CD247: variants seen among roughly 807,000 people sequenced by gnomAD.
The protein encoded by CD247 is T-cell surface glycoprotein CD3 zeta chain.
Under a neutral mutation model 30.0 loss-of-function variants are expected in CD247, and 13 were observed. The observed-to-expected ratio is 0.43, with a 90% CI of 0.28 to 0.69. The LOEUF (loss-of-function observed/expected upper bound fraction) is 0.69, where lower values mean the gene tolerates loss of function less well. Among genes scored for constraint, CD247 ranks in the 30% least tolerant of loss-of-function variants. The probability of loss-of-function intolerance (pLI) is 0.16; values close to 1 mark genes in which losing one functional copy is unlikely to be tolerated. For synonymous variants in CD247, 72 were observed against 80.0 expected (o/e 0.90, Z 0.53); for missense variants, 193 against 212.6 (o/e 0.91, Z 0.57).
At position 167,438,766 on chromosome 1, in the gene CD247, G is replaced by C. The variant is rs1183294034; in HGVS notation, c.220-116C>G. 5.0e-6 allele frequency: 4 copies of C among 796,748 alleles called. No individual in the cohort carries two copies. In the African/African-American group the frequency reaches 5.1e-5, roughly 10 times the overall value. 49.4% of individuals were successfully genotyped at this position (796,748 alleles called of 1,614,324 possible). On this transcript the variant is annotated intron_variant, in intron 3 of 7. Transcript: ENST00000362089. Reference sequence around the variant, plus strand: ...GGGTGGCTCATAAAAAGAGGGGCAGGGGCTGGGGAGGGGATGGTAACTGGT... The same window carrying C: ...GGGTGGCTCATAAAAAGAGGGGCAGCGGCTGGGGAGGGGATGGTAACTGGT...
chr1:167,441,264 G>A (rs840014), intron 1 of CD247, among the ~76,000 whole-genome samples: 146,050 of 152,246 alleles, frequency 0.96, 70,354 homozygotes, highest in East Asian at 1. Context: ...ACTAGGACAG[G>A]GAGAATCTGG....
chr1:167,433,172 C>T (rs1651360411), intron 6 of CD247, 113 bp from the exon 7 acceptor site: 3 of 988,380 alleles, frequency 3.0e-6, no homozygotes, highest in Non-Finnish European at 4.8e-6. Flanking sequence ...GTAACTGTCT[C>T]CCAGCAGCAC....
chr1:167,495,425 C>T (rs1231070671), intron 1 of CD247, among the ~76,000 whole-genome samples: 1 of 152,054 alleles, frequency 6.6e-6, no homozygotes, highest in East Asian at 1.9e-4. Context: ...AGAGTGTGCT[C>T]CCGTTTAATC....
intron 2 of CD247, chr1:167,439,970 CG>C (rs34714515): frequency 2.9e-4 from 47 of 164,050 alleles, no homozygotes; most frequent in Non-Finnish European, 5.8e-4. Context: ...CCGCTTCAGG[CG>C]GGAGAAACTG....
At chr1:167,486,684 G>A (rs1654221466) in intron 1 of CD247, among the ~76,000 whole-genome samples, 1 of 152,196 alleles carries the variant, frequency 6.6e-6, no homozygotes, top group South Asian at 2.1e-4. Flanking sequence ...CTGCTGAGGG[G>A]TCAGCAGAGA....
At chr1:167,449,085 T>C (rs1398567685) in intron 1 of CD247, among the ~76,000 whole-genome samples, 1 of 152,072 alleles carries the variant, frequency 6.6e-6, no homozygotes, top group African/African-American at 2.4e-5. Context: ...GTTTCTCTTC[T>C]TGTATTTTTA....
chr1:167,474,835 C>A (rs1055925977), intron 1 of CD247, among the ~76,000 whole-genome samples: 1 of 151,018 alleles, frequency 6.6e-6, no homozygotes, highest in East Asian at 1.9e-4. Flanking sequence ...TCACTGCAAC[C>A]TCTGCCTCCC....
In CD247 at chr1:167,431,390, G is replaced by A. The variant is rs775981059; in HGVS notation, c.*291C>T. 1.1e-4 allele frequency: 64 copies of A among 598,914 alleles called. 1 individual carries two copies. Among genetic ancestry groups the A allele is most frequent in the East Asian group, 1.6e-4 (6 of 36,420 alleles). 37.1% of individuals were successfully genotyped at this position (598,914 alleles called of 1,614,324 possible). A position where few individuals can be genotyped will look rare whatever the true frequency, so the allele number is the denominator to read the frequency against. On this transcript the variant is annotated 3_prime_UTR_variant, in exon 8 of 8. Transcript: ENST00000362089. ...CTCAGCTGTGAGAGGCAGTGCGCCC[G>A]CCTCCCAGGGAGAACGAGGAACCGC...
At chr1:167,477,216 A>G (rs1466019669) in intron 1 of CD247, among the ~76,000 whole-genome samples, 1 of 152,202 alleles carries the variant, frequency 6.6e-6, no homozygotes, top group Non-Finnish European at 1.5e-5. Context: ...TCCCTCCTCT[A>G]TCAGGACCCT....
chr1:167,455,117 C>A (rs1042409450), intron 1 of CD247, among the ~76,000 whole-genome samples: 2 of 152,214 alleles, frequency 1.3e-5, no homozygotes, highest in African/African-American at 4.8e-5. Context: ...CCCGCCGAGC[C>A]GCTGCCCACT....
At chr1:167,468,567 C>G (rs1222482526) in intron 1 of CD247, among the ~76,000 whole-genome samples, 2 of 152,162 alleles carry the variant, frequency 1.3e-5, no homozygotes, top group Non-Finnish European at 2.9e-5. Flanking sequence ...GGTAGCCCAG[C>G]AGGAACTGTT....
At chr1:167,443,168 A>G (rs1001588262) in intron 1 of CD247, among the ~76,000 whole-genome samples, 3 of 151,952 alleles carry the variant, frequency 2.0e-5, no homozygotes, top group East Asian at 1.9e-4. Context: ...TACAAACCCA[A>G]CTCCTCAGGA....
intron 1 of CD247, among the ~76,000 whole-genome samples, chr1:167,471,831 C>CTTTTTT (rs111891678): frequency 3.0e-4 from 35 of 117,184 alleles, no homozygotes; most frequent in Non-Finnish European, 4.2e-4. Flanking sequence ...CTGTTTCTTT[C>CTTTTTT]TTTTTTTTTT....
chr1:167,435,414 C>T lies in CD247; in HGVS notation c.321G>A (p.Gln107=). ...CTCTACTCACATTGTACAGGCCTTC[C>T]TGAGGGTTCTTCCTTCTCTGCTAGG... is the stretch of plus-strand genomic sequence containing the variant. ...GGKPQRRKNP[Q]EGLYNELQKD... is the part of the protein sequence containing the mutation. The change falls in exon 5 of 8, where the codon CAG becomes CAA. Residue 107 remains glutamine (Q), a synonymous_variant. Transcript: ENST00000362089. The T allele has an allele frequency of 6.2e-7, 1 of 1,612,836 alleles. No homozygotes were observed. The highest frequency in any genetic ancestry group is 8.5e-7 in the Non-Finnish European group (1 of 1,178,800).
At chr1:167,506,234 TCTTTTCTTTTC>T (rs1198032335) in intron 1 of CD247, among the ~76,000 whole-genome samples, 6 of 53,556 alleles carry the variant, frequency 1.1e-4, no homozygotes, top group African/African-American at 4.3e-4. Context: ...TCTTTTCTTT[TCTTTTCTTTTC>T]CTTTTCTTTT....
intron 1 of CD247, among the ~76,000 whole-genome samples, chr1:167,485,875 G>T (rs1244499609): frequency 1.3e-5 from 2 of 152,170 alleles, no homozygotes; most frequent in African/African-American, 4.8e-5. Flanking sequence ...TGTGGATGTT[G>T]GGGGTGGGGA....
At chr1:167,495,006 G>A (rs1654624067) in intron 1 of CD247, among the ~76,000 whole-genome samples, 1 of 152,204 alleles carries the variant, frequency 6.6e-6, no homozygotes, top group Admixed American at 6.5e-5. Context: ...CAGACAAAGT[G>A]GGAAGGCAGA....
At chr1:167,507,237 A>G (rs1440736996) in intron 1 of CD247, among the ~76,000 whole-genome samples, 2 of 148,860 alleles carry the variant, frequency 1.3e-5, no homozygotes, top group Non-Finnish European at 3.0e-5. Flanking sequence ...TTTTTTTTTT[A>G]ACCTTCAAAG....
intron 1 of CD247, among the ~76,000 whole-genome samples, chr1:167,507,819 A>G (rs1655208598): frequency 6.8e-6 from 1 of 146,730 alleles, no homozygotes; most frequent in Non-Finnish European, 1.5e-5. Flanking sequence ...CTGAGTGAAG[A>G]AGGGAGACCC....
Sources: gnomAD v4.1 joint callset for allele counts (sites outside exome capture counted in the v4.1 genomes callset) on GRCh38, gnomAD v4.1.1 for gene constraint, MANE v1.5 for transcripts, NCBI Gene and HGNC (gene_info 2026-07-23, HGNC 2026-07-21) for gene names.